Variants in CCDC93 observed in about 807,000 individuals in gnomAD.
CCDC93 encodes the protein coiled-coil domain-containing protein 93.
A neutral mutation model predicts 108.2 loss-of-function variants in CCDC93; 61 were observed. That is an observed-to-expected ratio of 0.56 (90% CI 0.46 to 0.70). The LOEUF (loss-of-function observed/expected upper bound fraction) is 0.70, where lower values mean the gene tolerates loss of function less well. Among genes scored for constraint, CCDC93 ranks in the 30% least tolerant of loss-of-function variants. The pLI, the probability that CCDC93 is intolerant of heterozygous loss-of-function variation, is 0.00. For synonymous variants in CCDC93, 276 were observed against 260.4 expected, an observed-to-expected ratio of 1.06 and a Z score of -0.58; for missense variants, 685 against 764.2, an observed-to-expected ratio of 0.90 and a Z score of 1.22.
chr2:117,918,656 G>C lies in CCDC93; in HGVS notation c.*1687C>G, dbSNP rs1223491226. On this transcript the variant is annotated 3_prime_UTR_variant, in exon 24 of 24. Transcript: ENST00000376300. Reference sequence around the variant, plus strand: ...TAATTTCAAACGCAGTCAAACTTCTGTCTCCTTCCCCTGCCCTCAGAGTGC... The same window carrying C: ...TAATTTCAAACGCAGTCAAACTTCTCTCTCCTTCCCCTGCCCTCAGAGTGC... 3 of 152,228 alleles carry C rather than the reference G, an allele frequency of 2.0e-5. No homozygotes were observed. The highest frequency in any genetic ancestry group is 4.4e-5 in the Non-Finnish European group (3 of 68,050). 9.4% of individuals were successfully genotyped at this position (152,228 alleles called of 1,614,324 possible).
intron 20 of CCDC93, 143 bp from the exon 21 acceptor site, chr2:117,936,882 G>A: frequency 2.2e-5 from 15 of 668,032 alleles, no homozygotes; most frequent in African/African-American, 5.4e-5. Flanking sequence ...AGTAACATAT[G>A]AAAAAAAAAT....
chr2:117,994,172 C>T (rs996523873), intron 6 of CCDC93, among the ~76,000 whole-genome samples: 2 of 151,790 alleles, frequency 1.3e-5, no homozygotes, highest in East Asian at 1.9e-4. Flanking sequence ...AAATTAAAAG[C>T]GGTTGCTTCC....
intron 23 of CCDC93, among the ~76,000 whole-genome samples, chr2:117,926,698 G>A (rs1678118151): frequency 1.3e-5 from 2 of 152,180 alleles, no homozygotes; most frequent in African/African-American, 4.8e-5. Flanking sequence ...GTACAAGGAG[G>A]AGCTGGTACC....
intron 11 of CCDC93, among the ~76,000 whole-genome samples, chr2:117,973,103 C>A (rs988925020): frequency 3.9e-5 from 6 of 152,156 alleles, no homozygotes; most frequent in African/African-American, 1.4e-4. Flanking sequence ...ATAACGCCTC[C>A]AGATTACTGG....
rs183049199 is a variant in CCDC93, at chr2:117,946,062, G to A, written c.1297-480C>T. Among the ~76,000 whole-genome samples, 13 of 152,286 alleles carry A rather than the reference G, an allele frequency of 8.5e-5. No individual in the cohort carries two copies. In the East Asian group the frequency reaches 2.5e-3, roughly 29 times the overall value. ...ACAGATGTGAAGAGTTGTATGGCTC[G>A]GGTGAAATAATGCAACCACTCAGGA... is the stretch of plus-strand genomic sequence containing the variant. On this transcript the variant is annotated intron_variant, in intron 16 of 23. Transcript: ENST00000376300.
intron 11 of CCDC93, among the ~76,000 whole-genome samples, chr2:117,963,734 T>G (rs1193585774): frequency 1.3e-5 from 2 of 152,344 alleles, no homozygotes; most frequent in Middle Eastern, 3.4e-3. Flanking sequence ...CATACACTAC[T>G]GTCAGGTCAG....
intron 18 of CCDC93, among the ~76,000 whole-genome samples, chr2:117,942,575 A>G (rs1168367480): frequency 6.6e-6 from 1 of 152,108 alleles, no homozygotes; most frequent in Admixed American, 6.5e-5. Flanking sequence ...CCCTCCTCTC[A>G]GCTGAGCTCT....
chr2:117,954,068 T>C (rs1209664157), intron 12 of CCDC93, among the ~76,000 whole-genome samples: 3 of 152,144 alleles, frequency 2.0e-5, no homozygotes, highest in Admixed American at 6.5e-5. Flanking sequence ...CTAAGGTATT[T>C]TGATAGAGCA....
At position 117,917,293 on chromosome 2, in the gene CCDC93, C is replaced by T. The variant is rs1053958476; in HGVS notation, c.*3050G>A. On this transcript the variant is annotated 3_prime_UTR_variant, in exon 24 of 24. Transcript: ENST00000376300. The stretch of plus-strand genomic sequence containing the variant: ...TACTGGGGCCTGACAACATCAACAA[C>T]GTCACAACCCTGAGGTCTGAGGTCC... 2 of 152,726 alleles carry T rather than the reference C, an allele frequency of 1.3e-5. No homozygotes were observed. The highest frequency in any genetic ancestry group is 2.1e-4 in the South Asian group (1 of 4,826). 9.5% of individuals were successfully genotyped at this position (152,726 alleles called of 1,614,324 possible).
chr2:117,942,484 A>G (rs1477768076), intron 18 of CCDC93, among the ~76,000 whole-genome samples: 3 of 152,136 alleles, frequency 2.0e-5, no homozygotes, highest in Non-Finnish European at 4.4e-5. Flanking sequence ...TGCTTTTGCC[A>G]AAGTCACTGC....
At chr2:117,936,890 A>T (rs555853198) in intron 20 of CCDC93, 151 bp from the exon 21 acceptor site, 1 of 657,470 alleles carries the variant, frequency 1.5e-6, no homozygotes, top group East Asian at 2.7e-5. Flanking sequence ...ATGAAAAAAA[A>T]ATTAGCCACA....
intron 3 of CCDC93, among the ~76,000 whole-genome samples, chr2:118,005,879 G>A (rs1220953279): frequency 1.3e-5 from 2 of 152,062 alleles, no homozygotes; most frequent in South Asian, 4.2e-4. Context: ...AAAGTAAATT[G>A]CAACATTCCT....
intron 22 of CCDC93, chr2:117,931,802 T>C (rs1419659772): frequency 6.6e-6 from 1 of 152,280 alleles, no homozygotes; most frequent in African/African-American, 2.4e-5. Flanking sequence ...TTTCAGGATT[T>C]TGATCTCATA....
chr2:117,950,729 G>A, intron 13 of CCDC93: 2 of 985,390 alleles, frequency 2.0e-6, no homozygotes, highest in South Asian at 9.4e-5. Context: ...ACCAAATCAA[G>A]CTTCTTCAGA....
chr2:117,935,990 G>T (rs1224280287), intron 21 of CCDC93, among the ~76,000 whole-genome samples: 1 of 151,800 alleles, frequency 6.6e-6, no homozygotes, highest in Non-Finnish European at 1.5e-5. Flanking sequence ...CATATTCTGA[G>T]ATTTCCTAAA....
chr2:117,991,493 A>C (rs1680473782), intron 6 of CCDC93, among the ~76,000 whole-genome samples: 1 of 152,248 alleles, frequency 6.6e-6, no homozygotes, highest in Non-Finnish European at 1.5e-5. Context: ...AGTCAGGTGT[A>C]ATGTCAAAAT....
intron 3 of CCDC93, among the ~76,000 whole-genome samples, chr2:118,006,391 T>A (rs538544557): frequency 6.6e-6 from 1 of 152,292 alleles, no homozygotes; most frequent in Admixed American, 6.5e-5. Flanking sequence ...AAGGAGACCA[T>A]GCTGCTTTCT....
intron 20 of CCDC93, among the ~76,000 whole-genome samples, chr2:117,937,297 G>C (rs946406042): frequency 6.6e-6 from 1 of 152,094 alleles, no homozygotes. Context: ...CCTCTTATCT[G>C]CCCCAATGAT....
intron 11 of CCDC93, among the ~76,000 whole-genome samples, chr2:117,960,828 A>T (rs1217275255): frequency 6.6e-6 from 1 of 152,206 alleles, no homozygotes; most frequent in Non-Finnish European, 1.5e-5. Flanking sequence ...CATCTTCCAG[A>T]TGTTACATGA....
Sources: gnomAD v4.1 joint callset for allele counts (sites outside exome capture counted in the v4.1 genomes callset) on GRCh38, gnomAD v4.1.1 for gene constraint, MANE v1.5 for transcripts, NCBI Gene and HGNC (gene_info 2026-07-23, HGNC 2026-07-21) for gene names.